Variants in UBR1 observed in about 807,000 individuals in gnomAD.
UBR1 encodes E3 ubiquitin-protein ligase UBR1.
UBR1 carries 102 observed loss-of-function variants against 242.1 expected under a neutral mutation model. The ratio of observed to expected loss-of-function variants is 0.42; its 90% CI spans 0.36 to 0.50. The LOEUF is 0.50. UBR1 is among the 20% of genes least tolerant of loss of function. The pLI is 0.01. For synonymous variants in UBR1, 675 were observed against 684.8 expected (o/e 0.99, Z 0.22); for missense variants, 1,772 against 2,101.8 (o/e 0.84, Z 3.07).
chr15:43,005,813 T>C (rs1187200889), intron 30 of UBR1, among the ~76,000 whole-genome samples: 3 of 151,000 alleles, frequency 2.0e-5, no homozygotes, highest in Non-Finnish European at 4.4e-5. Context: ...CTCTGAAACA[T>C]GTGCTGTGTC....
At chr15:42,952,771 T>C (rs1037168409) in intron 44 of UBR1, among the ~76,000 whole-genome samples, 1 of 152,236 alleles carries the variant, frequency 6.6e-6, no homozygotes, top group Non-Finnish European at 1.5e-5. Context: ...TCATCTGACA[T>C]GCCCAATTTA....
At chr15:43,036,132 C>A (rs527886110) in intron 19 of UBR1, 46 bp downstream of exon 19, 1 of 1,427,008 alleles carries the variant, frequency 7.0e-7, no homozygotes. Flanking sequence ...GAAATAGTAA[C>A]AATATTTCCT....
intron 39 of UBR1, 26 bp from the exon 40 acceptor site, chr15:42,970,633 A>G (rs751937772): frequency 1.0e-5 from 16 of 1,589,180 alleles, no homozygotes; most frequent in South Asian, 3.3e-5. Flanking sequence ...TGCAAGATGA[A>G]TTATGTATTT....
chr15:43,045,750 T>C (rs558523100), intron 14 of UBR1, among the ~76,000 whole-genome samples: 7 of 152,352 alleles, frequency 4.6e-5, no homozygotes, highest in South Asian at 4.1e-4. Context: ...GACGTATTTG[T>C]GAAAACATAT....
intron 30 of UBR1, among the ~76,000 whole-genome samples, chr15:43,005,377 G>GGGGGGC (rs1284667922): frequency 3.3e-5 from 5 of 151,222 alleles, no homozygotes; most frequent in African/African-American, 4.9e-5. Context: ...GGAGGGAGGT[G>GGGGGGC]AGGGGCAGCC....
intron 29 of UBR1, among the ~76,000 whole-genome samples, chr15:43,012,099 C>T (rs1208468280): frequency 2.0e-5 from 3 of 151,816 alleles, no homozygotes; most frequent in Non-Finnish European, 2.9e-5. Context: ...TGGTGGCGGG[C>T]GCCTGTAGTC....
rs147140817 is a variant in UBR1 at position 43,062,805 on chromosome 15, A to AG, written c.799-2692dup. Among the ~76,000 whole-genome samples, 653 of 152,184 alleles carry AG rather than the reference A, an allele frequency of 4.3e-3. 13 individuals carry two copies. The East Asian group carries it at 0.054, about 13-fold the overall frequency. On this transcript the variant is annotated intron_variant, in intron 6 of 46. Coordinates refer to ENST00000290650, the MANE Select transcript of UBR1 (RefSeq NM_174916.3). ...GGGTGGGAGTAGATCAACTGAAGGG[A>AG]GGCAGTGTTTTTAAAATACGTGGGC...
intron 46 of UBR1, among the ~76,000 whole-genome samples, chr15:42,949,921 T>C (rs1260093534): frequency 6.6e-6 from 1 of 150,422 alleles, no homozygotes; most frequent in Non-Finnish European, 1.5e-5. Flanking sequence ...CTTGGCTCAC[T>C]GCAACCTCCT....
At position 43,015,784 on chromosome 15, in the gene UBR1, G is replaced by C; in HGVS notation, c.3113C>G (p.Ser1038Cys). 1 of 1,614,100 alleles carries C rather than the reference G, an allele frequency of 6.2e-7. No individual in the cohort carries two copies. The highest frequency in any genetic ancestry group is 8.5e-7 in the Non-Finnish European group (1 of 1,180,014). The change falls in exon 29 of 47, where the codon TCT (serine) becomes TGT (cysteine). Residue 1038 changes from serine (S) to cysteine (C), a missense_variant. This residue lies in a region of UBR1 where 965 missense variants were observed against 1,079.7 expected (regional missense o/e 0.89). Coordinates refer to ENST00000290650, the MANE Select transcript of UBR1 (RefSeq NM_174916.3). The stretch of plus-strand genomic sequence containing the variant: ...TTCAATGAAGTTTTTCTGTAAGGCA[G>C]ACATCTGAGCCATGATCTTCTGGCG... ...LHRQKIMAQM[S>C]ALQKNFIETH...
chr15:43,037,503 A>C (rs1197014827), intron 17 of UBR1, among the ~76,000 whole-genome samples: 1 of 152,198 alleles, frequency 6.6e-6, no homozygotes, highest in Admixed American at 6.5e-5. Context: ...TCAGAAAAGA[A>C]CTATGTTAAT....
At chr15:43,082,230 A>G (rs1463277681) in intron 3 of UBR1, among the ~76,000 whole-genome samples, 1 of 152,098 alleles carries the variant, frequency 6.6e-6, no homozygotes, top group Non-Finnish European at 1.5e-5. Flanking sequence ...CTATGTATGT[A>G]TTTTTGAGAA....
chr15:43,023,364 G>A lies in UBR1; in HGVS notation c.2740-563C>T, dbSNP rs912685342. 5.3e-5 allele frequency among the ~76,000 whole-genome samples: 8 copies of A among 151,932 alleles called. 1 individual carries two copies. The highest frequency in any genetic ancestry group is 3.9e-4 in the Admixed American group (6 of 15,258). ...CCCAGCACTTTCGGAGGTTTGGGTG[G>A]GTGGATCACCTGAGGTCAGGAGTTC... On this transcript the variant is annotated intron_variant, in intron 25 of 46. Coordinates refer to ENST00000290650, the MANE Select transcript of UBR1 (RefSeq NM_174916.3).
chr15:43,059,538 A>G (rs1480205438), intron 8 of UBR1, among the ~76,000 whole-genome samples, 164 bp downstream of exon 8: 1 of 151,878 alleles, frequency 6.6e-6, no homozygotes, highest in Non-Finnish European at 1.5e-5. Flanking sequence ...ATATCCTAAG[A>G]TATTATACAT....
intron 12 of UBR1, among the ~76,000 whole-genome samples, chr15:43,049,732 A>G (rs775955538): frequency 6.6e-6 from 1 of 152,218 alleles, no homozygotes; most frequent in Non-Finnish European, 1.5e-5. Context: ...TAATTCAAAT[A>G]TACTAATTAC....
chr15:42,975,477 A>G (rs2032274737), intron 39 of UBR1, among the ~76,000 whole-genome samples: 1 of 152,330 alleles, frequency 6.6e-6, no homozygotes, highest in South Asian at 2.1e-4. Flanking sequence ...ATCACAATAA[A>G]TAATGTCGTG....
intron 42 of UBR1, among the ~76,000 whole-genome samples, chr15:42,961,269 T>C (rs1305047753): frequency 6.6e-6 from 1 of 151,620 alleles, no homozygotes; most frequent in Non-Finnish European, 1.5e-5. Context: ...CACACCACCA[T>C]GCCCGGTTAA....
At position 43,027,767 on chromosome 15, in the gene UBR1, A is replaced by C. The variant is rs765487695; in HGVS notation, c.2432+9T>G. On this transcript the variant is annotated intron_variant, in intron 22 of 46. Coordinates refer to ENST00000290650, the MANE Select transcript of UBR1 (RefSeq NM_174916.3). ...CCTTTTAGAATAAGCATAAATATTA[A>C]GCACTTACTTAAATGTGGCCACTTT... 4.3e-6 allele frequency: 7 copies of C among 1,609,606 alleles called. No homozygotes were observed. The highest frequency in any genetic ancestry group is 5.1e-6 in the Non-Finnish European group (6 of 1,176,618).
intron 41 of UBR1, among the ~76,000 whole-genome samples, chr15:42,965,537 C>T (rs1224496560): frequency 6.6e-6 from 1 of 151,034 alleles, no homozygotes; most frequent in African/African-American, 2.4e-5. Context: ...AATCTCGGCT[C>T]ACTGCAACCT....
intron 4 of UBR1, 23 bp from the exon 5 acceptor site, chr15:43,070,948 A>C: frequency 6.2e-7 from 1 of 1,611,164 alleles, no homozygotes; most frequent in African/African-American, 1.3e-5. Context: ...CGAGAAAAAC[A>C]TACTAGTCAA....
Sources: allele counts gnomAD v4.1 joint callset (sites outside exome capture counted in the v4.1 genomes callset), GRCh38; gene constraint gnomAD v4.1.1; regional missense constraint gnomAD v4.1.1; transcripts MANE v1.5; gene names NCBI Gene and HGNC (gene_info 2026-07-23, HGNC 2026-07-21).